Variants in SPOCK3 observed in about 807,000 individuals in gnomAD.
SPOCK3 encodes the protein SPARC (osteonectin), cwcv and kazal like domains proteoglycan 3, also known as testican-3.
SPOCK3 carries 30 observed loss-of-function variants against 56.6 expected under a neutral mutation model. That is an observed-to-expected ratio of 0.53 (90% confidence interval 0.40 to 0.72). SPOCK3 has a LOEUF of 0.72. Ranked by LOEUF, SPOCK3 falls within the 30% of genes least tolerant of loss-of-function variation. The pLI, the probability that SPOCK3 is intolerant of heterozygous loss-of-function variation, is 0.00. For synonymous variants in SPOCK3, 196 were observed against 183.3 expected, an observed-to-expected ratio of 1.07 and a Z score of -0.56; for missense variants, 527 against 530.0, an observed-to-expected ratio of 0.99 and a Z score of 0.06.
At chr4:166,764,324 A>T (rs1737672600) in intron 7 of SPOCK3, among the ~76,000 whole-genome samples, 2 of 151,982 alleles carry the variant, frequency 1.3e-5, no homozygotes, top group Admixed American at 1.3e-4. Context: ...ATATCTCCTA[A>T]TGCTTTCCCT....
intron 6 of SPOCK3, among the ~76,000 whole-genome samples, chr4:166,814,190 A>G (rs78876122): frequency 0.013 from 1,938 of 152,170 alleles, 27 homozygotes; most frequent in Middle Eastern, 0.037. Context: ...TGAAAGTTTC[A>G]GTGAGAAATC....
chr4:167,129,749 G>A (rs1306083631), intron 2 of SPOCK3, among the ~76,000 whole-genome samples: 2 of 152,018 alleles, frequency 1.3e-5, no homozygotes, highest in East Asian at 1.9e-4. Context: ...ATTTCACAGT[G>A]AAAGAACCTA....
intron 7 of SPOCK3, among the ~76,000 whole-genome samples, chr4:166,789,343 C>T (rs1332127274): frequency 6.6e-6 from 1 of 152,098 alleles, no homozygotes. Context: ...GTAGGAGAAT[C>T]ACCTGAACAC....
chr4:167,083,295 G>A, intron 2 of SPOCK3: 1 of 764,936 alleles, frequency 1.3e-6, no homozygotes, highest in South Asian at 1.3e-5. Flanking sequence ...TCCTGTGTCA[G>A]GTTGTCATCT....
intron 6 of SPOCK3, among the ~76,000 whole-genome samples, chr4:166,886,820 GT>G (rs1734246443): frequency 6.6e-6 from 1 of 152,116 alleles, no homozygotes; most frequent in Non-Finnish European, 1.5e-5. Flanking sequence ...GTAAATGACA[GT>G]TGAAAGATTA....
intron 2 of SPOCK3, among the ~76,000 whole-genome samples, chr4:167,136,374 T>A (rs1763124076): frequency 6.6e-6 from 1 of 151,674 alleles, no homozygotes; most frequent in African/African-American, 2.4e-5. Flanking sequence ...CTTAATACCT[T>A]TTTTTGGGCT....
chr4:166,964,227 A>T (rs760983299), intron 4 of SPOCK3, among the ~76,000 whole-genome samples: 3 of 151,828 alleles, frequency 2.0e-5, no homozygotes, highest in Non-Finnish European at 4.4e-5. Context: ...ATTACTTGTG[A>T]ATAAACATTT....
chr4:167,056,977 A>G (rs1220550091), intron 3 of SPOCK3, among the ~76,000 whole-genome samples: 1 of 152,202 alleles, frequency 6.6e-6, no homozygotes, highest in Non-Finnish European at 1.5e-5. Flanking sequence ...TCCAAGTCAC[A>G]TAATTGTCAG....
intron 4 of SPOCK3, among the ~76,000 whole-genome samples, chr4:166,953,375 C>A (rs1416558194): frequency 6.6e-6 from 1 of 151,942 alleles, no homozygotes; most frequent in Non-Finnish European, 1.5e-5. Flanking sequence ...CAAATCAAAA[C>A]CACAATGAGA....
chr4:166,860,096 T>G (rs886542520), intron 6 of SPOCK3, among the ~76,000 whole-genome samples: 3 of 152,166 alleles, frequency 2.0e-5, no homozygotes, highest in African/African-American at 7.2e-5. Flanking sequence ...AGACTTTCTG[T>G]GTTCTTATGA....
At chr4:167,205,385 ATATATTT>A (rs1734083770) in intron 2 of SPOCK3, among the ~76,000 whole-genome samples, 1 of 41,320 alleles carries the variant, frequency 2.4e-5, no homozygotes, top group African/African-American at 1.3e-4. Flanking sequence ...TATATAATAT[ATATATTT>A]TATATATAAT....
chr4:167,165,599 T>G (rs1415241870), intron 2 of SPOCK3, among the ~76,000 whole-genome samples: 4 of 152,128 alleles, frequency 2.6e-5, no homozygotes, highest in Non-Finnish European at 5.9e-5. Flanking sequence ...CCTCTTTCAA[T>G]GTTAAATTTG....
At chr4:167,039,256 G>T (rs1561149001) in intron 3 of SPOCK3, among the ~76,000 whole-genome samples, 2 of 152,064 alleles carry the variant, frequency 1.3e-5, no homozygotes, top group African/African-American at 2.4e-5. Flanking sequence ...TTGGATTAAG[G>T]TCCACCTAAT....
intron 2 of SPOCK3, among the ~76,000 whole-genome samples, chr4:167,204,556 A>G (rs1733842233): frequency 6.6e-6 from 1 of 152,068 alleles, no homozygotes; most frequent in African/African-American, 2.4e-5. Flanking sequence ...GGACCACCCC[A>G]TGATCTAATC....
chr4:167,106,651 A>T (rs1760179579), intron 2 of SPOCK3, among the ~76,000 whole-genome samples: 1 of 151,676 alleles, frequency 6.6e-6, no homozygotes, highest in African/African-American at 2.4e-5. Context: ...TAAAGATTAA[A>T]GCAGAAAAAA....
intron 2 of SPOCK3, among the ~76,000 whole-genome samples, chr4:167,113,260 T>C (rs1218328840): frequency 1.3e-5 from 2 of 152,192 alleles, no homozygotes; most frequent in African/African-American, 4.8e-5. Flanking sequence ...ATTGAACAAC[T>C]CTATAAATCT....
chr4:167,059,687 A>G (rs958972628), intron 3 of SPOCK3, among the ~76,000 whole-genome samples: 2 of 152,154 alleles, frequency 1.3e-5, no homozygotes, highest in Non-Finnish European at 2.9e-5. Flanking sequence ...ATGCTGCTAT[A>G]AAGACACATG....
chr4:166,842,053 C>T (rs1046994818), intron 6 of SPOCK3, among the ~76,000 whole-genome samples: 16 of 152,176 alleles, frequency 1.1e-4, no homozygotes, highest in Admixed American at 4.6e-4. Flanking sequence ...TAAGGCGTTG[C>T]GTCGGGAATT....
chr4:167,170,449 T>A (rs943879902), intron 2 of SPOCK3, among the ~76,000 whole-genome samples: 1 of 152,182 alleles, frequency 6.6e-6, no homozygotes, highest in Admixed American at 6.5e-5. Flanking sequence ...TAAGCAGAGA[T>A]AATGATGAGA....
Sources: gnomAD v4.1 joint callset for allele counts (sites outside exome capture counted in the v4.1 genomes callset) on GRCh38, gnomAD v4.1.1 for gene constraint, MANE v1.5 for transcripts, NCBI Gene and HGNC (gene_info 2026-07-23, HGNC 2026-07-21) for gene names.